Variants in CFAP20DC observed in about 807,000 individuals in gnomAD.
CFAP20DC encodes the protein CFAP20 domain containing, also known as protein CFAP20DC.
Under a neutral mutation model 101.7 loss-of-function variants are expected in CFAP20DC, and 84 were observed. The observed-to-expected ratio is 0.83, with a 90% CI of 0.69 to 0.99. The LOEUF is 0.99. Ranked by LOEUF, CFAP20DC falls within the 50% of genes least tolerant of loss-of-function variation. CFAP20DC has a pLI of 0.00. For missense variants in CFAP20DC, 1,007 were observed against 970.3 expected, an observed-to-expected ratio of 1.04 and a Z score of -0.50; for synonymous variants, 359 against 351.2, an observed-to-expected ratio of 1.02 and a Z score of -0.25.
intron 14 of CFAP20DC, 89 bp from the exon 15 acceptor site, chr3:58,806,545 T>A: frequency 1.1e-6 from 1 of 937,684 alleles, no homozygotes; most frequent in Non-Finnish European, 1.7e-6. Flanking sequence ...TGTAACTGTT[T>A]CCTCAGACAC....
chr3:58,929,356 A>T (rs1258588499), intron 5 of CFAP20DC, among the ~76,000 whole-genome samples: 2 of 152,198 alleles, frequency 1.3e-5, no homozygotes, highest in African/African-American at 4.8e-5. Context: ...GGTAGTGACA[A>T]ATTTGATTTA....
chr3:58,987,753 T>C (rs1398987212), intron 4 of CFAP20DC, among the ~76,000 whole-genome samples: 1 of 151,846 alleles, frequency 6.6e-6, no homozygotes, highest in African/African-American at 2.4e-5. Context: ...TTCTAGAATA[T>C]TATAATTATT....
intron 6 of CFAP20DC, among the ~76,000 whole-genome samples, chr3:58,896,887 A>G (rs1576200490): frequency 6.6e-6 from 1 of 152,188 alleles, no homozygotes; most frequent in South Asian, 2.1e-4. Flanking sequence ...AGTTCTGTAT[A>G]TATCTATCAG....
chr3:58,860,189 A>G (rs2108440583), intron 12 of CFAP20DC, among the ~76,000 whole-genome samples: 1 of 151,614 alleles, frequency 6.6e-6, no homozygotes, highest in African/African-American at 2.4e-5. Flanking sequence ...AAAAAAAAAA[A>G]AAAAAGAAAG....
chr3:58,761,278 C>T (rs754078156), intron 15 of CFAP20DC, among the ~76,000 whole-genome samples: 9 of 152,024 alleles, frequency 5.9e-5, no homozygotes, highest in South Asian at 4.1e-4. Flanking sequence ...GTGTATGTGT[C>T]GAGGAATTTA....
At chr3:58,940,550 C>A (rs1253444224) in intron 4 of CFAP20DC, among the ~76,000 whole-genome samples, 1 of 152,116 alleles carries the variant, frequency 6.6e-6, no homozygotes, top group Non-Finnish European at 1.5e-5. Context: ...CACTGAAATG[C>A]CCTGGTACTT....
chr3:58,994,494 G>A (rs945230378), intron 4 of CFAP20DC, among the ~76,000 whole-genome samples: 1 of 151,990 alleles, frequency 6.6e-6, no homozygotes, highest in African/African-American at 2.4e-5. Flanking sequence ...TAAGTAACTT[G>A]CCCAAGGCAC....
intron 3 of CFAP20DC, among the ~76,000 whole-genome samples, chr3:58,735,206 C>T (rs993040800): frequency 3.9e-5 from 6 of 152,174 alleles, no homozygotes; most frequent in Admixed American, 3.9e-4. Context: ...CTTAATAAAC[C>T]TTTCTCCCTT....
At chr3:58,888,986 T>C (rs1158527224) in intron 6 of CFAP20DC, among the ~76,000 whole-genome samples, 2 of 149,160 alleles carry the variant, frequency 1.3e-5, no homozygotes, top group Non-Finnish European at 3.0e-5. Flanking sequence ...CCAGCATCTA[T>C]TGTTTTTTTT....
At chr3:58,810,949 G>T (rs560040084) in intron 14 of CFAP20DC, among the ~76,000 whole-genome samples, 214 of 152,018 alleles carry the variant, frequency 1.4e-3, no homozygotes, top group African/African-American at 4.0e-3. Context: ...GAACTCCCAT[G>T]CACAATTGCT....
chr3:58,993,339 T>C (rs1310196124), intron 4 of CFAP20DC, among the ~76,000 whole-genome samples: 1 of 152,230 alleles, frequency 6.6e-6, no homozygotes, highest in Non-Finnish European at 1.5e-5. Flanking sequence ...AGGAAACCAG[T>C]ACCGTGTGAT....
chr3:59,027,826 G>A (rs991578898), intron 4 of CFAP20DC, among the ~76,000 whole-genome samples: 4 of 152,060 alleles, frequency 2.6e-5, no homozygotes, highest in African/African-American at 4.8e-5. Flanking sequence ...GGGAAGCCAC[G>A]GGCCTCCCAA....
intron 5 of CFAP20DC, among the ~76,000 whole-genome samples, chr3:58,922,873 G>C (rs1056451308): frequency 6.6e-6 from 1 of 151,472 alleles, no homozygotes; most frequent in Admixed American, 6.6e-5. Context: ...ATTTAGCTAT[G>C]TCATATTATC....
rs1347529812 is a variant in CFAP20DC at position 59,001,013 on chromosome 3, ATTAAC to A, written c.278+38539_278+38543del. 3.9e-5 allele frequency among the ~76,000 whole-genome samples: 6 copies of A among 152,300 alleles called. No homozygotes were observed. Among genetic ancestry groups the A allele is most frequent in the Admixed American group, 1.3e-4 (2 of 15,308 alleles). ...TTAAATTAAATGATGAAAAATAAGAATTAACTTATTAATTCCAAGAAGCTTAAAAA... is the reference window on the plus strand; with the variant it reads ...TTAAATTAAATGATGAAAAATAAGAATTATTAATTCCAAGAAGCTTAAAAA... On this transcript the variant is annotated intron_variant, in intron 4 of 16. Coordinates refer to ENST00000482387, the MANE Select transcript of CFAP20DC (RefSeq NM_001394063.1). The surrounding 1 kb of genome is among the most constrained non-coding windows in gnomAD (Gnocchi z 4.5).
intron 14 of CFAP20DC, among the ~76,000 whole-genome samples, chr3:58,830,428 T>C (rs2076318093): frequency 6.6e-6 from 1 of 152,190 alleles, no homozygotes; most frequent in African/African-American, 2.4e-5. Context: ...TCAAGAGCTC[T>C]GCAACAGTGC....
At chr3:59,045,866 T>C (rs1699812056) in intron 3 of CFAP20DC, among the ~76,000 whole-genome samples, 1 of 152,220 alleles carries the variant, frequency 6.6e-6, no homozygotes, top group African/African-American at 2.4e-5. Context: ...GTTTGTTCAT[T>C]TGTAAAAGAG....
At chr3:59,027,361 T>C (rs1053503621) in intron 4 of CFAP20DC, among the ~76,000 whole-genome samples, 3 of 152,130 alleles carry the variant, frequency 2.0e-5, no homozygotes, top group African/African-American at 7.2e-5. Flanking sequence ...GCTCAACACA[T>C]GAAAGCTTGT....
intron 15 of CFAP20DC, among the ~76,000 whole-genome samples, chr3:58,793,754 T>C (rs13316340): frequency 0.12 from 18,235 of 152,070 alleles, 1,971 homozygotes; most frequent in East Asian, 0.35. Context: ...AATGTCACTG[T>C]TTAATTGAAA....
At position 59,049,576 on chromosome 3, in the gene CFAP20DC, A is replaced by C. The variant is rs1700148830; in HGVS notation, c.21+35T>G. 3.3e-6 allele frequency: 5 copies of C among 1,529,062 alleles called. No homozygotes were observed. The African/African-American group carries it at 5.5e-5, about 17-fold the overall frequency. The allele number at this position is 1,529,062 out of a possible 1,614,324, so 94.7% of individuals were successfully genotyped here. On this transcript the variant is annotated intron_variant, in intron 1 of 16. Transcript: ENST00000482387. Reference sequence around the variant, plus strand: ...CGGACTACCTCACCCAAGAGGAGAAAGGTATAGACAGGTTGGAGAACCGTT... The same window carrying C: ...CGGACTACCTCACCCAAGAGGAGAACGGTATAGACAGGTTGGAGAACCGTT...
Sources: gnomAD v4.1 joint callset for allele counts (sites outside exome capture counted in the v4.1 genomes callset) on GRCh38, gnomAD v4.1.1 for gene constraint, Gnocchi (gnomAD v3.1) non-coding constraint, MANE v1.5 for transcripts, NCBI Gene and HGNC (gene_info 2026-07-23, HGNC 2026-07-21) for gene names.